Variants in UBR3 observed in about 807,000 individuals in gnomAD.
The protein encoded by UBR3 is E3 ubiquitin-protein ligase UBR3.
In UBR3, 85 loss-of-function variants were observed where a neutral mutation model predicts 243.2. The ratio of observed to expected loss-of-function variants is 0.35; its 90% CI spans 0.29 to 0.42. UBR3 has a LOEUF of 0.42. Ranked by LOEUF, UBR3 falls within the 10% of genes least tolerant of loss-of-function variation. The pLI is 1.00. For synonymous variants in UBR3, 748 were observed against 799.8 expected (o/e 0.94, Z 1.09); for missense variants, 1,686 against 2,300.8 (o/e 0.73, Z 5.47).
intron 32 of UBR3, among the ~76,000 whole-genome samples, chr2:170,046,198 C>T (rs13000116): frequency 0.28 from 42,059 of 152,004 alleles, 6,801 homozygotes; most frequent in Non-Finnish European, 0.37. Flanking sequence ...ATATCCTGAC[C>T]TTGTGATCCA....
chr2:169,986,180 T>C (rs2088993949), intron 24 of UBR3, among the ~76,000 whole-genome samples: 1 of 152,188 alleles, frequency 6.6e-6, no homozygotes, highest in African/African-American at 2.4e-5. Context: ...TCACTAGAAT[T>C]GAGAGTGAGA....
At chr2:169,875,970 A>G in intron 3 of UBR3, 21 bp downstream of exon 3, 1 of 1,466,520 alleles carries the variant, frequency 6.8e-7, no homozygotes, top group South Asian at 1.5e-5. Context: ...TGTTAGAAGA[A>G]ATTTATAGTT....
intron 3 of UBR3, among the ~76,000 whole-genome samples, chr2:169,876,529 C>CTTTATTGTATTGTAT (rs2083617497): frequency 2.5e-5 from 2 of 80,924 alleles, no homozygotes; most frequent in Admixed American, 2.5e-4. Flanking sequence ...CTCTGCCTCT[C>CTTTATTGTATTGTAT]TTTATTGTAT....
At chr2:170,041,557 C>T (rs771792830) in intron 32 of UBR3, among the ~76,000 whole-genome samples, 8 of 152,168 alleles carry the variant, frequency 5.3e-5, no homozygotes, top group Non-Finnish European at 1.0e-4. Flanking sequence ...ATTATATTAA[C>T]AGCATCAGTA....
At chr2:169,864,324 C>G (rs922496500) in intron 1 of UBR3, among the ~76,000 whole-genome samples, 2 of 152,122 alleles carry the variant, frequency 1.3e-5, no homozygotes, top group Non-Finnish European at 2.9e-5. Context: ...CTCTTTCCTC[C>G]TTCCTCAGAA....
rs915436194 is a variant in UBR3, at chr2:170,080,357, T to C, written c.5410-188T>C. ...GTTGGCTCTTAATTGCTTTACTAGA[T>C]ATTCCTTACCCAAATACCTCCTAAT... On this transcript the variant is annotated intron_variant, in intron 37 of 38. Transcript: ENST00000272793. 2.3e-5 allele frequency: 16 copies of C among 705,272 alleles called. No individual in the cohort carries two copies. The East Asian group carries it at 4.6e-4, about 20-fold the overall frequency. 43.7% of individuals were successfully genotyped at this position (705,272 alleles called of 1,614,324 possible).
intron 1 of UBR3, among the ~76,000 whole-genome samples, chr2:169,864,938 T>G (rs1436989916): frequency 4.7e-5 from 7 of 149,472 alleles, no homozygotes; most frequent in African/African-American, 1.7e-4. Context: ...AAGAAAGAAT[T>G]AGCTGGGTGT....
At chr2:169,906,891 T>C (rs2085030900) in intron 10 of UBR3, among the ~76,000 whole-genome samples, 1 of 152,198 alleles carries the variant, frequency 6.6e-6, no homozygotes, top group South Asian at 2.1e-4. Context: ...GCCTGCTCTT[T>C]GTTATTGTGA....
In UBR3 at chr2:169,878,540, C is replaced by T. The variant is rs1035638788; in HGVS notation, c.1004C>T (p.Thr335Ile). The change falls in exon 5 of 39, where the codon ACA becomes ATA. Residue 335 changes from threonine to isoleucine, a missense_variant. Thr to Ile is a moderately conservative substitution (Grantham distance 89, BLOSUM62 -1). Around this residue, in one of 8 missense-constraint regions of UBR3, gnomAD observed 200 missense variants for 231.6 expected, o/e 0.86. Transcript: ENST00000272793. ...SLAVQGFIGA[T>I]GTLGQVDSSD... Reference sequence around the variant, plus strand: ...TCCTCCAAAGGTTTCATAGGCGCAACAGGAACTTTGGGACAAGTGGATTCT... The same window carrying T: ...TCCTCCAAAGGTTTCATAGGCGCAATAGGAACTTTGGGACAAGTGGATTCT... 1 of 1,551,356 alleles carries T rather than the reference C, an allele frequency of 6.4e-7. No individual in the cohort carries two copies.
rs547494620 is a variant in UBR3 at position 170,059,153 on chromosome 2, C to T, written c.4786-1926C>T. Among the ~76,000 whole-genome samples, 50 of 152,146 alleles carry T rather than the reference C, an allele frequency of 3.3e-4. 2 individuals are homozygous for T. The highest frequency in any genetic ancestry group is 1.1e-3 in the African/African-American group (47 of 41,500). On this transcript the variant is annotated intron_variant, in intron 33 of 38. Transcript: ENST00000272793. ...CCTATATAAAATATTTTTCTTAATA[C>T]TTTGTATTGTGAAGAAGTCTCAATA...
At chr2:169,886,444 A>G (rs370509489) in intron 5 of UBR3, among the ~76,000 whole-genome samples, 25 of 152,154 alleles carry the variant, frequency 1.6e-4, no homozygotes, top group Admixed American at 7.9e-4. Context: ...ATTCTTCTCA[A>G]TATTGTGTTA....
intron 1 of UBR3, among the ~76,000 whole-genome samples, chr2:169,846,974 A>C (rs1162621273): frequency 6.6e-6 from 1 of 152,068 alleles, no homozygotes; most frequent in Non-Finnish European, 1.5e-5. Flanking sequence ...GGACTCATGC[A>C]ATCTGCTGGC....
At chr2:170,041,229 T>C (rs1156906610) in intron 32 of UBR3, among the ~76,000 whole-genome samples, 1 of 152,188 alleles carries the variant, frequency 6.6e-6, no homozygotes, top group African/African-American at 2.4e-5. Flanking sequence ...TGGATACTTT[T>C]TGTGGTAATA....
rs527449730 is a variant in UBR3 at position 170,033,518 on chromosome 2, G to C, written c.4556+4070G>C. The stretch of plus-strand genomic sequence containing the variant: ...GCCTAAGTTTTAACTATCATTGTAT[G>C]CTTCTTTTCCTAGTACTAGATCTTA... On this transcript the variant is annotated intron_variant, in intron 31 of 38. Coordinates refer to ENST00000272793, the MANE Select transcript of UBR3 (RefSeq NM_172070.4). 8.3e-5 allele frequency among the ~76,000 whole-genome samples: 12 copies of C among 143,780 alleles called. No homozygotes were observed. The South Asian group carries it at 2.6e-3, about 31-fold the overall frequency. The allele number at this position is 143,780 out of a possible 152,430, so 94.3% of individuals were successfully genotyped here. A position where few individuals can be genotyped will look rare whatever the true frequency, so the allele number is the denominator to read the frequency against.
intron 28 of UBR3, 86 bp downstream of exon 28, chr2:170,007,276 T>C: frequency 7.2e-7 from 1 of 1,394,482 alleles, no homozygotes; most frequent in Non-Finnish European, 9.7e-7. Context: ...TAAATTACTC[T>C]GGACTTTTAC....
intron 26 of UBR3, among the ~76,000 whole-genome samples, chr2:169,997,450 G>A (rs1381928714): frequency 2.0e-5 from 3 of 152,046 alleles, no homozygotes; most frequent in Non-Finnish European, 4.4e-5. Context: ...GAGCCCCAAG[G>A]GGGTGTCACA....
At position 170,055,588 on chromosome 2, in the gene UBR3, A is replaced by C. The variant is rs1221128955; in HGVS notation, c.4785+4A>C. The C allele has an allele frequency of 6.2e-7, 1 of 1,612,336 alleles. No individual in the cohort carries two copies. The highest frequency in any genetic ancestry group is 8.5e-7 in the Non-Finnish European group (1 of 1,178,976). ...ACACGCGGGAGCTCTCAAAAAGGTTAGGCTCTTTCTAAATTTGTCATTTAG... is the reference window on the plus strand; with the variant it reads ...ACACGCGGGAGCTCTCAAAAAGGTTCGGCTCTTTCTAAATTTGTCATTTAG... On this transcript the variant is annotated splice_donor_region_variant and intron_variant, in intron 33 of 38. Coordinates refer to ENST00000272793, the MANE Select transcript of UBR3 (RefSeq NM_172070.4).
At chr2:169,890,544 T>TATATATATAC (rs1432140115) in intron 5 of UBR3, among the ~76,000 whole-genome samples, 814 of 55,930 alleles carry the variant, frequency 0.015, 48 homozygotes, top group African/African-American at 0.031. Flanking sequence ...GAGAGAGATA[T>TATATATATAC]ATATATATAT....
At chr2:169,990,951 A>T (rs926734327) in intron 25 of UBR3, among the ~76,000 whole-genome samples, 3 of 152,136 alleles carry the variant, frequency 2.0e-5, no homozygotes, top group African/African-American at 7.2e-5. Flanking sequence ...ATGAATTTTT[A>T]AAAATGTGAT....
Sources: gnomAD v4.1 joint callset for allele counts (sites outside exome capture counted in the v4.1 genomes callset) on GRCh38, gnomAD v4.1.1 for gene constraint, gnomAD v4.1.1 regional missense constraint, MANE v1.5 for transcripts, NCBI Gene and HGNC (gene_info 2026-07-23, HGNC 2026-07-21) for gene names.